Variants in SLC9A9 observed in about 807,000 individuals in gnomAD.
SLC9A9 encodes sodium/hydrogen exchanger 9.
Under a neutral mutation model 77.8 loss-of-function variants are expected in SLC9A9, and 62 were observed. The observed-to-expected ratio is 0.80, with a 90% CI of 0.65 to 0.98. SLC9A9 has a LOEUF of 0.98. Ranked by LOEUF, SLC9A9 falls within the 50% of genes least tolerant of loss-of-function variation. The pLI is 0.00. For synonymous variants in SLC9A9, 320 were observed against 283.5 expected (o/e 1.13, Z -1.29); for missense variants, 775 against 774.9 (o/e 1.00, Z 0.00).
intron 2 of SLC9A9, among the ~76,000 whole-genome samples, chr3:143,800,283 C>G (rs1044611135): frequency 1.3e-5 from 2 of 152,144 alleles, no homozygotes; most frequent in Non-Finnish European, 2.9e-5. Context: ...ATATCCCATC[C>G]TACAGCACGC....
At chr3:143,573,531 A>G (rs1032703139) in intron 8 of SLC9A9, among the ~76,000 whole-genome samples, 4 of 152,150 alleles carry the variant, frequency 2.6e-5, no homozygotes, top group East Asian at 1.9e-4. Flanking sequence ...CTTTCTATCA[A>G]CTGTTCCACC....
chr3:143,517,419 T>G, intron 9 of SLC9A9: 5 of 1,574,764 alleles, frequency 3.2e-6, no homozygotes, highest in Non-Finnish European at 4.3e-6. Context: ...GACTGTCGTC[T>G]GGCTTCTTCC....
chr3:143,572,923 A>G (rs1276573676), intron 8 of SLC9A9, among the ~76,000 whole-genome samples: 1 of 152,088 alleles, frequency 6.6e-6, no homozygotes, highest in Non-Finnish European at 1.5e-5. Context: ...CTTCCTTCCT[A>G]CCTACCCTTA....
chr3:143,814,658 A>G (rs2008957762), intron 2 of SLC9A9, among the ~76,000 whole-genome samples: 1 of 152,200 alleles, frequency 6.6e-6, no homozygotes, highest in African/African-American at 2.4e-5. Context: ...TTCCCCAGTC[A>G]TTGACTATGT....
At chr3:143,648,320 G>A (rs1299927613) in intron 6 of SLC9A9, among the ~76,000 whole-genome samples, 1 of 152,206 alleles carries the variant, frequency 6.6e-6, no homozygotes, top group African/African-American at 2.4e-5. Flanking sequence ...CGGATTGGGG[G>A]AGGGGATGGC....
At chr3:143,268,646 T>A (rs1257062048) in intron 15 of SLC9A9, among the ~76,000 whole-genome samples, 2 of 140,722 alleles carry the variant, frequency 1.4e-5, no homozygotes, top group African/African-American at 2.7e-5. Context: ...GGCAGGAGAA[T>A]GGCATGAACC....
At chr3:143,801,515 A>G (rs940765978) in intron 2 of SLC9A9, among the ~76,000 whole-genome samples, 8 of 152,060 alleles carry the variant, frequency 5.3e-5, no homozygotes, top group Admixed American at 3.3e-4. Flanking sequence ...CCAGACTTCA[A>G]TCCAGCCTCC....
At chr3:143,655,591 G>C (rs9823125) in intron 5 of SLC9A9, 352 of 984,954 alleles carry the variant, frequency 3.6e-4, no homozygotes, top group Non-Finnish European at 4.1e-4. Context: ...TGATGTTGTA[G>C]CTAGAGAAAA....
chr3:143,499,144 T>C (rs1450364667), intron 9 of SLC9A9, among the ~76,000 whole-genome samples: 2 of 152,212 alleles, frequency 1.3e-5, no homozygotes, highest in African/African-American at 4.8e-5. Context: ...ATGACACTTT[T>C]GCCTCTTGAT....
intron 13 of SLC9A9, chr3:143,381,795 G>A: frequency 2.1e-6 from 1 of 474,202 alleles, no homozygotes; most frequent in Non-Finnish European, 3.8e-6. Flanking sequence ...CTCATTCCAA[G>A]AGCCATCATA....
At chr3:143,728,854 G>A (rs1179720857) in intron 4 of SLC9A9, among the ~76,000 whole-genome samples, 2 of 152,038 alleles carry the variant, frequency 1.3e-5, no homozygotes, top group South Asian at 4.2e-4. Context: ...CAACGAGATG[G>A]ATGGTGGTCC....
At chr3:143,351,180 C>T (rs2032444177) in intron 14 of SLC9A9, among the ~76,000 whole-genome samples, 1 of 152,148 alleles carries the variant, frequency 6.6e-6, no homozygotes, top group African/African-American at 2.4e-5. Context: ...TTTTATGAAA[C>T]AAAATTTACT....
intron 7 of SLC9A9, among the ~76,000 whole-genome samples, chr3:143,575,939 A>G (rs2037350757): frequency 6.6e-6 from 1 of 152,076 alleles, no homozygotes; most frequent in Non-Finnish European, 1.5e-5. Context: ...CAAATACTGC[A>G]CGATCAATGT....
chr3:143,587,806 T>G (rs890728943), intron 6 of SLC9A9, among the ~76,000 whole-genome samples: 1 of 152,196 alleles, frequency 6.6e-6, no homozygotes, highest in Non-Finnish European at 1.5e-5. Context: ...CTCATCAGCC[T>G]GGATGCCACC....
intron 11 of SLC9A9, among the ~76,000 whole-genome samples, chr3:143,474,940 T>C (rs1240084584): frequency 1.4e-5 from 2 of 146,294 alleles, no homozygotes; most frequent in Non-Finnish European, 3.0e-5. Context: ...CAGACCTAAG[T>C]GCTCTCACCT....
chr3:143,843,989 C>A (rs1199975310), intron 1 of SLC9A9, among the ~76,000 whole-genome samples: 1 of 152,120 alleles, frequency 6.6e-6, no homozygotes, highest in African/African-American at 2.4e-5. Context: ...ATTACTGTTC[C>A]TGGTGAAGCA....
intron 1 of SLC9A9, among the ~76,000 whole-genome samples, chr3:143,845,038 A>G (rs2009802881): frequency 1.3e-5 from 2 of 152,060 alleles, no homozygotes; most frequent in South Asian, 4.1e-4. Context: ...GCTAATCCTG[A>G]AAGCTTAACC....
chr3:143,584,485 A>T (rs1203178627), intron 6 of SLC9A9, among the ~76,000 whole-genome samples: 1 of 152,246 alleles, frequency 6.6e-6, no homozygotes, highest in Non-Finnish European at 1.5e-5. Context: ...ATATGAAGTG[A>T]ACATATTGTA....
chr3:143,437,065 A>T (rs2034633636), intron 12 of SLC9A9, among the ~76,000 whole-genome samples: 1 of 152,222 alleles, frequency 6.6e-6, no homozygotes, highest in Non-Finnish European at 1.5e-5. Flanking sequence ...TGAAGAGTTG[A>T]TTCAACCTAT....
Sources: allele counts gnomAD v4.1 joint callset (sites outside exome capture counted in the v4.1 genomes callset), GRCh38; gene constraint gnomAD v4.1.1; transcripts MANE v1.5; gene names NCBI Gene and HGNC (gene_info 2026-07-23, HGNC 2026-07-21).